TSPAN9: variants seen among roughly 807,000 people sequenced by gnomAD.
TSPAN9 encodes tetraspanin 9.
A neutral mutation model predicts 31.0 loss-of-function variants in TSPAN9; 16 were observed. The ratio of observed to expected loss-of-function variants is 0.52; its 90% confidence interval spans 0.35 to 0.78. The LOEUF (loss-of-function observed/expected upper bound fraction) is 0.78. Ranked by LOEUF, TSPAN9 falls within the 30% of genes least tolerant of loss-of-function variation. TSPAN9 has a pLI of 0.01. For synonymous variants in TSPAN9, 145 were observed against 121.6 expected (o/e 1.19, Z -1.27); for missense variants, 272 against 312.5 (o/e 0.87, Z 0.98).
At chr12:3,224,720 C>T (rs766219669) in intron 3 of TSPAN9, among the ~76,000 whole-genome samples, 8 of 152,250 alleles carry the variant, frequency 5.3e-5, no homozygotes, top group East Asian at 1.9e-4. Context: ...AGGGTGGCCG[C>T]GTGATGGGCG....
intron 2 of TSPAN9, among the ~76,000 whole-genome samples, chr12:3,197,200 T>G (rs1439223334): frequency 1.3e-5 from 2 of 152,108 alleles, no homozygotes; most frequent in Admixed American, 1.3e-4. Flanking sequence ...GAGCTCAAAG[T>G]GAAAAACAGG....
rs368943228 is a variant in TSPAN9, at chr12:3,208,322, CA to C, written c.63+7067del. Among the ~76,000 whole-genome samples the C allele has an allele frequency of 1.5e-4, 23 of 152,168 alleles. No homozygotes were observed. In the East Asian group the frequency reaches 1.7e-3, roughly 12 times the overall value. On this transcript the variant is annotated intron_variant, in intron 3 of 8. Coordinates refer to ENST00000011898, the MANE Select transcript of TSPAN9 (RefSeq NM_006675.5). ...GGAGAATGGGGGCAGCTGGGAGGGC[CA>C]GGGGGGTTTCTTGGAATGAGAGTTA...
chr12:3,188,026 C>T (rs1306939330), intron 2 of TSPAN9, among the ~76,000 whole-genome samples: 1 of 152,138 alleles, frequency 6.6e-6, no homozygotes, highest in Non-Finnish European at 1.5e-5. Flanking sequence ...CTGGGGAACT[C>T]TGCAGGGACT....
chr12:3,241,423 A>G (rs1423845168), intron 3 of TSPAN9, among the ~76,000 whole-genome samples: 1 of 152,206 alleles, frequency 6.6e-6, no homozygotes, highest in Non-Finnish European at 1.5e-5. Context: ...TGTACAGCTG[A>G]GTTTTGAAAA....
chr12:3,171,924 C>T (rs2098352069), intron 2 of TSPAN9: 1 of 152,118 alleles, frequency 6.6e-6, no homozygotes, highest in African/African-American at 2.4e-5. Context: ...AAGGGTGCAC[C>T]TATTTCTTTA....
At chr12:3,274,174 C>T (rs1862739429) in intron 3 of TSPAN9, among the ~76,000 whole-genome samples, 1 of 152,192 alleles carries the variant, frequency 6.6e-6, no homozygotes, top group African/African-American at 2.4e-5. Flanking sequence ...GGAGCAGCCC[C>T]TCCCATTGTG....
intron 3 of TSPAN9, among the ~76,000 whole-genome samples, chr12:3,277,201 G>C (rs143833904): frequency 1.3e-5 from 2 of 152,336 alleles, no homozygotes; most frequent in East Asian, 3.9e-4. Flanking sequence ...CACACCACCA[G>C]GATAAGCTGG....
chr12:3,191,261 G>A (rs2098364263), intron 2 of TSPAN9, among the ~76,000 whole-genome samples: 1 of 147,080 alleles, frequency 6.8e-6, no homozygotes, highest in South Asian at 2.3e-4. Context: ...GGCATCCAGG[G>A]TCATCTGTGC....
intron 3 of TSPAN9, among the ~76,000 whole-genome samples, chr12:3,268,160 A>AGCCTGCCCTCTCTGCG: frequency 7.7e-6 from 1 of 130,202 alleles, no homozygotes; most frequent in Non-Finnish European, 1.7e-5. Context: ...CCCTCCGTGC[A>AGCCTGCCCTCTCTGCG]TTCCTGCAGC....
At chr12:3,183,071 C>T (rs958168488) in intron 2 of TSPAN9, among the ~76,000 whole-genome samples, 2 of 152,144 alleles carry the variant, frequency 1.3e-5, no homozygotes, top group East Asian at 1.9e-4. Context: ...GCAGAGCTAG[C>T]GCCATTGCTG....
intron 2 of TSPAN9, among the ~76,000 whole-genome samples, chr12:3,134,573 G>T (rs559933017): frequency 6.6e-6 from 1 of 152,172 alleles, no homozygotes; most frequent in Non-Finnish European, 1.5e-5. Flanking sequence ...GTGGAAGGTC[G>T]CTTGGGTCAG....
intron 3 of TSPAN9, among the ~76,000 whole-genome samples, chr12:3,207,841 T>G (rs1327867870): frequency 1.3e-5 from 2 of 152,188 alleles, no homozygotes; most frequent in Non-Finnish European, 2.9e-5. Flanking sequence ...TAGCTTTCTT[T>G]CCACTCCAGG....
intron 6 of TSPAN9, 40 bp from the exon 7 acceptor site, chr12:3,281,158 C>T (rs957673179): frequency 1.2e-5 from 18 of 1,549,572 alleles, no homozygotes; most frequent in Middle Eastern, 1.7e-4. Context: ...AGGGGCGGGC[C>T]ATGGCATGTC....
Position 3,086,904 on chromosome 12 carries a change from C to T in TSPAN9, c.-18+3185C>T, listed in dbSNP as rs146094940. Among the ~76,000 whole-genome samples the T allele has an allele frequency of 6.4e-3, 972 of 152,318 alleles. 24 individuals carry two copies. The highest frequency in any genetic ancestry group is 5.1e-3 in the Non-Finnish European group (345 of 68,030). ...CTGGCTGTGCGCACACTTGGAGGCA[C>T]GCCGCCTCCAATCATGGGGTGCACA... is the stretch of plus-strand genomic sequence containing the variant. On this transcript the variant is annotated intron_variant, in intron 2 of 8. Coordinates refer to ENST00000011898, the MANE Select transcript of TSPAN9 (RefSeq NM_006675.5).
In TSPAN9 at chr12:3,143,256, A is replaced by G. The variant is rs1418768708; in HGVS notation, c.-17-57921A>G. ...TTTCTTTATAATTAATAATATTTAT[A>G]GTTATATTAATCATAATTAATAATA... On this transcript the variant is annotated intron_variant, in intron 2 of 8. Coordinates refer to ENST00000011898, the MANE Select transcript of TSPAN9 (RefSeq NM_006675.5). The surrounding 1 kb of genome is among the most constrained non-coding windows in gnomAD (Gnocchi z 4.2). Among the ~76,000 whole-genome samples, 2 of 148,450 alleles carry G rather than the reference A, an allele frequency of 1.3e-5. No individual in the cohort carries two copies. The highest frequency in any genetic ancestry group is 1.3e-4 in the Admixed American group (2 of 14,836).
At chr12:3,222,022 C>T (rs11613449) in intron 3 of TSPAN9, among the ~76,000 whole-genome samples, 3,794 of 152,266 alleles carry the variant, frequency 0.025, 70 homozygotes, top group Non-Finnish European at 0.039. Context: ...TTAAGGAACA[C>T]GGGACAAGAG....
At chr12:3,198,402 C>T in intron 2 of TSPAN9, among the ~76,000 whole-genome samples, 1 of 99,430 alleles carries the variant, frequency 1.0e-5, no homozygotes, top group African/African-American at 4.0e-5. Flanking sequence ...AGGTCACCAC[C>T]AGCACAGGTC....
intron 1 of TSPAN9, among the ~76,000 whole-genome samples, chr12:3,081,124 T>G (rs753328202): frequency 6.6e-6 from 1 of 152,220 alleles, no homozygotes; most frequent in Non-Finnish European, 1.5e-5. Flanking sequence ...CTGATGTATG[T>G]GAGGCACGTA....
intron 2 of TSPAN9, among the ~76,000 whole-genome samples, chr12:3,162,395 G>T (rs1411653631): frequency 2.6e-5 from 4 of 152,184 alleles, no homozygotes; most frequent in East Asian, 1.9e-4. Context: ...ATTGATTCAG[G>T]TGATGGTGAA....
Sources: gnomAD v4.1 joint callset for allele counts (sites outside exome capture counted in the v4.1 genomes callset) on GRCh38, gnomAD v4.1.1 for gene constraint, Gnocchi (gnomAD v3.1) non-coding constraint, MANE v1.5 for transcripts, NCBI Gene and HGNC (gene_info 2026-07-23, HGNC 2026-07-21) for gene names.